WWC2: variants seen among roughly 807,000 people sequenced by gnomAD.
WWC2 encodes protein WWC2.
Under a neutral mutation model 138.5 loss-of-function variants are expected in WWC2, and 101 were observed. The observed-to-expected ratio is 0.73, with a 90% CI of 0.62 to 0.86. The LOEUF (loss-of-function observed/expected upper bound fraction) is 0.86. Among genes scored for constraint, WWC2 ranks in the 40% least tolerant of loss-of-function variants. The pLI, the probability that WWC2 is intolerant of heterozygous loss-of-function variation, is 0.00. For synonymous variants in WWC2, 558 were observed against 538.4 expected (o/e 1.04, Z -0.50); for missense variants, 1,420 against 1,419.4 (o/e 1.00, Z -0.01).
intron 1 of WWC2, among the ~76,000 whole-genome samples, chr4:183,132,889 G>A (rs1446222780): frequency 6.6e-6 from 1 of 152,006 alleles, no homozygotes; most frequent in Non-Finnish European, 1.5e-5. Flanking sequence ...TGTCACAAAT[G>A]ATTGTTATTA....
chr4:183,178,418 A>T (rs547230360), intron 1 of WWC2, among the ~76,000 whole-genome samples: 34 of 148,456 alleles, frequency 2.3e-4, no homozygotes, highest in African/African-American at 5.0e-4. Context: ...ATAAATAAAT[A>T]AATTTAAAAA....
chr4:183,274,532 C>G (rs973843602), intron 16 of WWC2, among the ~76,000 whole-genome samples: 3 of 152,058 alleles, frequency 2.0e-5, no homozygotes, highest in Non-Finnish European at 4.4e-5. Context: ...AGCATGAAAA[C>G]CTAATCATCA....
Position 183,318,914 on chromosome 4 carries a change from A to G in WWC2, c.*3185A>G, listed in dbSNP as rs1356169268. 1.3e-5 allele frequency: 2 copies of G among 152,394 alleles called. No individual in the cohort carries two copies. The highest frequency in any genetic ancestry group is 4.8e-5 in the African/African-American group (2 of 41,452). The allele number at this position is 152,394 out of a possible 1,614,324, so 9.4% of individuals were successfully genotyped here. ...AAACGCTGCCCGTGAAATACAGAAC[A>G]CAGGATGCAGAAGCACGTTTGTGTG... On this transcript the variant is annotated 3_prime_UTR_variant, in exon 23 of 23. Transcript: ENST00000403733.
chr4:183,207,937 C>A lies in WWC2; in HGVS notation c.242-16C>A, dbSNP rs758790281. 6.3e-7 allele frequency: 1 copy of A among 1,591,808 alleles called. No homozygotes were observed. The highest frequency in any genetic ancestry group is 8.5e-7 in the Non-Finnish European group (1 of 1,169,792). On this transcript the variant is annotated splice_polypyrimidine_tract_variant and intron_variant, in intron 2 of 22. Coordinates refer to ENST00000403733, the MANE Select transcript of WWC2 (RefSeq NM_024949.6). ...AAGTTAAATTCTAAAAAGTACCCTC[C>A]ACCTAATGTTTTCAGAAACCACGCA...
Position 183,099,998 on chromosome 4 carries a change from G to C in WWC2, c.131+376G>C, listed in dbSNP as rs551106853. ...CCTCTGGGCGGCGGGGGTGGGCTAG[G>C]GCCTCACTGCCAGTTGGGGAACGAG... On this transcript the variant is annotated intron_variant, in intron 1 of 22. Coordinates refer to ENST00000403733, the MANE Select transcript of WWC2 (RefSeq NM_024949.6). 3.6e-3 allele frequency among the ~76,000 whole-genome samples: 546 copies of C among 152,346 alleles called. 2 individuals are homozygous for C. The highest frequency in any genetic ancestry group is 0.012 in the African/African-American group (514 of 41,596).
rs535872107 is a variant in WWC2 at position 183,210,178 on chromosome 4, A to G, written c.522+1153A>G. On this transcript the variant is annotated intron_variant, in intron 4 of 22. Coordinates refer to ENST00000403733, the MANE Select transcript of WWC2 (RefSeq NM_024949.6). The stretch of plus-strand genomic sequence containing the variant: ...AAATTATGCCTTAATGTACATATCT[A>G]TTATGCATTATATGTGGAACACTTA... Among the ~76,000 whole-genome samples, 35 of 152,252 alleles carry G rather than the reference A, an allele frequency of 2.3e-4. No individual in the cohort carries two copies. The South Asian group carries it at 6.2e-3, about 27-fold the overall frequency.
intron 21 of WWC2, among the ~76,000 whole-genome samples, chr4:183,297,925 C>T (rs752293425): frequency 3.3e-5 from 5 of 152,224 alleles, no homozygotes; most frequent in Non-Finnish European, 5.9e-5. Context: ...GCCAGACAAT[C>T]TCATGGCACA....
chr4:183,168,933 C>T (rs1041616453), intron 1 of WWC2, among the ~76,000 whole-genome samples: 1 of 152,162 alleles, frequency 6.6e-6, no homozygotes, highest in African/African-American at 2.4e-5. Context: ...GCCACAACCT[C>T]TGCCTCCCGG....
chr4:183,262,753 T>C (rs535420868), intron 11 of WWC2, among the ~76,000 whole-genome samples: 12 of 152,304 alleles, frequency 7.9e-5, no homozygotes, highest in African/African-American at 2.9e-4. Flanking sequence ...TCACCACTGC[T>C]TCTGGGAAGG....
At chr4:183,260,160 T>C (rs901517054) in intron 10 of WWC2, among the ~76,000 whole-genome samples, 5 of 152,212 alleles carry the variant, frequency 3.3e-5, no homozygotes, top group Non-Finnish European at 7.3e-5. Context: ...AAGCTTGCCT[T>C]CTTTTCTCTA....
chr4:183,175,976 C>A (rs776005118), intron 1 of WWC2, among the ~76,000 whole-genome samples: 1 of 152,210 alleles, frequency 6.6e-6, no homozygotes, highest in Non-Finnish European at 1.5e-5. Context: ...ACTTTGCCAG[C>A]GTTCAGCCTC....
chr4:183,155,221 A>AGAGAGAGAGAGAGAGAGAGTGT (rs61543148), intron 1 of WWC2, among the ~76,000 whole-genome samples: 1 of 135,184 alleles, frequency 7.4e-6, no homozygotes, highest in Admixed American at 7.5e-5. Context: ...AGAGAGAGAG[A>AGAGAGAGAGAGAGAGAGAGTGT]GAGTTAGTTG....
intron 2 of WWC2, among the ~76,000 whole-genome samples, chr4:183,200,842 A>G (rs1427441550): frequency 5.9e-5 from 9 of 152,310 alleles, no homozygotes; most frequent in Non-Finnish European, 2.9e-5. Context: ...CTAATCTCAG[A>G]AGTAATATCT....
At chr4:183,121,029 C>A (rs1027654883) in intron 1 of WWC2, among the ~76,000 whole-genome samples, 1 of 152,180 alleles carries the variant, frequency 6.6e-6, no homozygotes, top group Admixed American at 6.5e-5. Flanking sequence ...CCAGCCTGGA[C>A]AACATGGCGA....
intron 4 of WWC2, among the ~76,000 whole-genome samples, chr4:183,217,771 A>G (rs1735796582): frequency 6.6e-6 from 1 of 152,224 alleles, no homozygotes; most frequent in African/African-American, 2.4e-5. Flanking sequence ...ATTTATCAGC[A>G]TGTCAGTGTC....
In WWC2 at chr4:183,134,820, TTAATA is replaced by T. The variant is rs1376763544; in HGVS notation, c.131+35202_131+35206del. Reference sequence around the variant, plus strand: ...GCCTTAAAATCTATTGTTTCTATTATTAATATAACTACACTAACTTTTAGTTAGTA... The same window carrying T: ...GCCTTAAAATCTATTGTTTCTATTATTAACTACACTAACTTTTAGTTAGTA... On this transcript the variant is annotated intron_variant, in intron 1 of 22. Transcript: ENST00000403733. Among the ~76,000 whole-genome samples, 12 of 152,346 alleles carry T rather than the reference TTAATA, an allele frequency of 7.9e-5. No individual in the cohort carries two copies. In the East Asian group the frequency reaches 1.3e-3, roughly 17 times the overall value.
At position 183,194,593 on chromosome 4, in the gene WWC2, G is replaced by A. The variant is rs183146995; in HGVS notation, c.241+885G>A. Among the ~76,000 whole-genome samples, 7 of 152,216 alleles carry A rather than the reference G, an allele frequency of 4.6e-5. No individual in the cohort carries two copies. The East Asian group carries it at 1.2e-3, about 25-fold the overall frequency. On this transcript the variant is annotated intron_variant, in intron 2 of 22. Coordinates refer to ENST00000403733, the MANE Select transcript of WWC2 (RefSeq NM_024949.6). ...GTACTCTGTAGTATCTTTAGGAACAGTATCACTGTAGCAAAGTGTTTCATT... is the reference window on the plus strand; with the variant it reads ...GTACTCTGTAGTATCTTTAGGAACAATATCACTGTAGCAAAGTGTTTCATT...
At chr4:183,209,628 C>G (rs919750242) in intron 4 of WWC2, among the ~76,000 whole-genome samples, 1 of 152,124 alleles carries the variant, frequency 6.6e-6, no homozygotes, top group Non-Finnish European at 1.5e-5. Flanking sequence ...GTTTTGTCCT[C>G]CAGAGTTAAG....
intron 1 of WWC2, among the ~76,000 whole-genome samples, chr4:183,166,860 C>T (rs1270959021): frequency 2.0e-5 from 3 of 152,132 alleles, no homozygotes; most frequent in Non-Finnish European, 4.4e-5. Context: ...AGCTCTGTGT[C>T]CTGAGAGCTG....
Sources: allele counts gnomAD v4.1 joint callset (sites outside exome capture counted in the v4.1 genomes callset), GRCh38; gene constraint gnomAD v4.1.1; transcripts MANE v1.5; gene names NCBI Gene and HGNC (gene_info 2026-07-23, HGNC 2026-07-21).